Variants in TM6SF1 observed in about 807,000 individuals in gnomAD.
TM6SF1 encodes the protein transmembrane 6 superfamily member 1.
TM6SF1 carries 43 observed loss-of-function variants against 47.1 expected under a neutral mutation model. That is an observed-to-expected ratio of 0.91 (90% confidence interval 0.72 to 1.18). The LOEUF (loss-of-function observed/expected upper bound fraction) is 1.18, where lower values mean the gene tolerates loss of function less well. Among genes scored for constraint, TM6SF1 ranks in the 50% most tolerant of loss-of-function variants. The pLI, the probability that TM6SF1 is intolerant of heterozygous loss-of-function variation, is 0.00. For missense variants in TM6SF1, 390 were observed against 449.0 expected (o/e 0.87, Z 1.19); for synonymous variants, 177 against 166.3 (o/e 1.06, Z -0.49).
chr15:83,123,459 T>C (rs2035455307), intron 6 of TM6SF1, among the ~76,000 whole-genome samples: 4 of 152,208 alleles, frequency 2.6e-5, no homozygotes, highest in Admixed American at 2.6e-4. Flanking sequence ...AGCTAGTTTC[T>C]CTCTGTTTCT....
At chr15:83,119,757 T>G in intron 4 of TM6SF1, 76 bp downstream of exon 4, 1 of 1,597,344 alleles carries the variant, frequency 6.3e-7, no homozygotes, top group Non-Finnish European at 8.5e-7. Context: ...ACGTTATGCA[T>G]AGAGGCAAAT....
At chr15:83,109,289 G>A (rs1332323376) in intron 1 of TM6SF1, among the ~76,000 whole-genome samples, 1 of 152,122 alleles carries the variant, frequency 6.6e-6, no homozygotes, top group Non-Finnish European at 1.5e-5. Context: ...GAAGGAATTG[G>A]ATGGGCGTAG....
chr15:83,133,458 G>C (rs536715017), intron 9 of TM6SF1: 1 of 152,112 alleles, frequency 6.6e-6, no homozygotes, highest in South Asian at 2.1e-4. Context: ...TGTCTCATTT[G>C]CCATTCCAAT....
intron 1 of TM6SF1, among the ~76,000 whole-genome samples, chr15:83,108,134 C>A (rs868799062): frequency 1.9e-4 from 29 of 152,206 alleles, no homozygotes; most frequent in Admixed American, 1.3e-4. Flanking sequence ...CGTGTCAGCT[C>A]GTTTGTGCCT....
intron 3 of TM6SF1, 82 bp downstream of exon 3, chr15:83,116,024 C>A: frequency 9.0e-7 from 1 of 1,111,834 alleles, no homozygotes; most frequent in South Asian, 1.3e-5. Flanking sequence ...GAAATCCTCT[C>A]ATTTAGTGTG....
At chr15:83,109,168 A>T (rs1302009099) in intron 1 of TM6SF1, among the ~76,000 whole-genome samples, 6 of 152,196 alleles carry the variant, frequency 3.9e-5, no homozygotes, top group Non-Finnish European at 7.3e-5. Flanking sequence ...AAATAGGGTG[A>T]CTGGGGAGGG....
At chr15:83,122,978 A>G in intron 6 of TM6SF1, 100 bp downstream of exon 6, 2 of 1,366,448 alleles carry the variant, frequency 1.5e-6, no homozygotes, top group East Asian at 2.3e-5. Flanking sequence ...GGACTGGAGC[A>G]TTTGGGGCAT....
chr15:83,122,818 T>C lies in TM6SF1; in HGVS notation c.543T>C (p.Pro181=). The change falls in exon 6 of 10, where the codon CCT becomes CCC. Residue 181 remains proline (P), a synonymous_variant. Coordinates refer to ENST00000322019, the MANE Select transcript of TM6SF1 (RefSeq NM_023003.5). ...TAAGCATACCATATACTTGTCTTCCTGTCTGGGCTGGTTTCAGAATCTATA... is the reference window on the plus strand; with the variant it reads ...TAAGCATACCATATACTTGTCTTCCCGTCTGGGCTGGTTTCAGAATCTATA... ...FFLSIPYTCL[P]VWAGFRIYNQ... The C allele has an allele frequency of 6.2e-7, 1 of 1,614,148 alleles. No homozygotes were observed. Among genetic ancestry groups the C allele is most frequent in the Non-Finnish European group, 8.5e-7 (1 of 1,180,004 alleles).
At chr15:83,109,764 C>T (rs559377452) in intron 1 of TM6SF1, among the ~76,000 whole-genome samples, 5 of 152,312 alleles carry the variant, frequency 3.3e-5, no homozygotes, top group East Asian at 1.9e-4. Flanking sequence ...GTGCTCCTGC[C>T]GCACCAGCCT....
intron 4 of TM6SF1, among the ~76,000 whole-genome samples, chr15:83,121,060 C>A (rs2035193828): frequency 6.6e-6 from 1 of 151,750 alleles, no homozygotes; most frequent in Non-Finnish European, 1.5e-5. Flanking sequence ...TTGGGGTTAT[C>A]AATTGAAGGA....
intron 7 of TM6SF1, among the ~76,000 whole-genome samples, chr15:83,126,328 T>C (rs958104264): frequency 5.9e-5 from 9 of 152,200 alleles, no homozygotes; most frequent in African/African-American, 2.2e-4. Flanking sequence ...ATATACGCTA[T>C]GATGCACTGG....
At chr15:83,127,825 T>C (rs1195988456) in intron 9 of TM6SF1, 1 of 266,238 alleles carries the variant, frequency 3.8e-6, no homozygotes, top group Non-Finnish European at 7.2e-6. Context: ...GATTGAGAGC[T>C]GTCACCTTCA....
intron 2 of TM6SF1, chr15:83,115,464 C>T: frequency 2.7e-6 from 1 of 373,062 alleles, no homozygotes. Context: ...CTTCCTTGGC[C>T]ACTCAGTTAC....
chr15:83,121,792 C>T (rs1034943752), intron 4 of TM6SF1, 129 bp from the exon 5 acceptor site: 1 of 692,652 alleles, frequency 1.4e-6, no homozygotes. Flanking sequence ...ATTTATTCCT[C>T]TCAATTCAAT....
chr15:83,108,871 C>T (rs991566115), intron 1 of TM6SF1, among the ~76,000 whole-genome samples: 4 of 152,238 alleles, frequency 2.6e-5, no homozygotes, highest in African/African-American at 9.6e-5. Flanking sequence ...CCAGCAGTGT[C>T]TACCCTTGGT....
rs761285055 is a variant in TM6SF1 at position 83,124,771 on chromosome 15, G to A, written c.703G>A (p.Gly235Ser). 5.0e-6 allele frequency: 8 copies of A among 1,612,178 alleles called. No homozygotes were observed. Among genetic ancestry groups the A allele is most frequent in the Non-Finnish European group, 6.8e-6 (8 of 1,178,348 alleles). ...GGCAACTGGATTTTGCCTGTTCAGA[G>A]GTTTGGTAAGCATAACAGATCATAA... is the stretch of plus-strand genomic sequence containing the variant. ...LLATGFCLFR[G>S]LIALDCPSEL... The change falls in exon 7 of 10, where the codon GGT becomes AGT. Residue 235 changes from glycine to serine, a missense_variant. By Grantham distance (56) the Gly-to-Ser change is moderately conservative. Transcript: ENST00000322019.
In TM6SF1 at chr15:83,136,959, A is replaced by AAAATT. The variant is rs1469240581; in HGVS notation, c.*289_*293dup. 1.8e-5 allele frequency: 4 copies of AAAATT among 221,608 alleles called. No individual in the cohort carries two copies. The highest frequency in any genetic ancestry group is 1.1e-4 in the South Asian group (1 of 9,428). 13.7% of individuals were successfully genotyped at this position (221,608 alleles called of 1,614,324 possible). ...ACATATAAAATAATTATAAGTGTAA[A>AAAATT]AAATTACAATTTAGTGCCAACAGTA... is the stretch of plus-strand genomic sequence containing the variant. On this transcript the variant is annotated 3_prime_UTR_variant, in exon 10 of 10. Coordinates refer to ENST00000322019, the MANE Select transcript of TM6SF1 (RefSeq NM_023003.5).
At position 83,127,727 on chromosome 15, in the gene TM6SF1, A is replaced by G; in HGVS notation, c.921+250A>G. The G allele has an allele frequency of 3.2e-5, 12 of 372,918 alleles. No homozygotes were observed. The South Asian group carries it at 3.4e-4, about 11-fold the overall frequency. 23.1% of individuals were successfully genotyped at this position (372,918 alleles called of 1,614,324 possible). A position where few individuals can be genotyped will look rare whatever the true frequency, so the allele number is the denominator to read the frequency against. On this transcript the variant is annotated intron_variant, in intron 9 of 9. Transcript: ENST00000322019. ...ATCTGTGGTCCAGTGAAGTTAAATG[A>G]TTTGCCCAAGGTTACACACCCAGCA...
At position 83,136,860 on chromosome 15, in the gene TM6SF1, G is replaced by T; in HGVS notation, c.*188G>T. The T allele has an allele frequency of 9.8e-6, 4 of 408,610 alleles. No individual in the cohort carries two copies. Among genetic ancestry groups the T allele is most frequent in the Non-Finnish European group, 1.7e-5 (4 of 229,704 alleles). The allele number at this position is 408,610 out of a possible 1,614,324, so 25.3% of individuals were successfully genotyped here. On this transcript the variant is annotated 3_prime_UTR_variant, in exon 10 of 10. Coordinates refer to ENST00000322019, the MANE Select transcript of TM6SF1 (RefSeq NM_023003.5). ...TTTGAAGGAAAATGGAAATTCTTGA[G>T]AAACAGTTTGTTTAAAGAAATATAT... is the stretch of plus-strand genomic sequence containing the variant.
Sources: allele counts gnomAD v4.1 joint callset (sites outside exome capture counted in the v4.1 genomes callset), GRCh38; gene constraint gnomAD v4.1.1; transcripts MANE v1.5; gene names NCBI Gene and HGNC (gene_info 2026-07-23, HGNC 2026-07-21).